GAREM1: variants seen among roughly 807,000 people sequenced by gnomAD.
The protein encoded by GAREM1 is GRB2 associated regulator of MAPK1 subtype 1.
Under a neutral mutation model 71.3 loss-of-function variants are expected in GAREM1, and 26 were observed. The observed-to-expected ratio is 0.36, with a 90% CI of 0.27 to 0.51. GAREM1 has a LOEUF of 0.51. Ranked by LOEUF, GAREM1 falls within the 20% of genes least tolerant of loss-of-function variation. The probability of loss-of-function intolerance (pLI) is 0.95; values close to 1 mark genes in which losing one functional copy is unlikely to be tolerated. For missense variants in GAREM1, 1,026 were observed against 1,103.1 expected, an observed-to-expected ratio of 0.93 and a Z score of 0.99; for synonymous variants, 440 against 433.2, an observed-to-expected ratio of 1.02 and a Z score of -0.20.
chr18:32,470,289 C>A lies in GAREM1; in HGVS notation c.121+19G>T. On this transcript the variant is annotated intron_variant, in intron 1 of 5. Coordinates refer to ENST00000269209, the MANE Select transcript of GAREM1 (RefSeq NM_001242409.2). This position sits in a 1 kb window ranked among gnomAD's most constrained non-coding sequence, Gnocchi z 4.4. ...CGGCTGTCCTCGCCCGTCTGCCCCG[C>A]GCCCCAGCTGGGACTCACCGTTGTC... The A allele has an allele frequency of 6.7e-7, 1 of 1,496,360 alleles. No homozygotes were observed. Among genetic ancestry groups the A allele is most frequent in the Non-Finnish European group, 8.9e-7 (1 of 1,120,376 alleles). 92.7% of individuals were successfully genotyped at this position (1,496,360 alleles called of 1,614,324 possible). A position where few individuals can be genotyped will look rare whatever the true frequency, so the allele number is the denominator to read the frequency against.
intron 3 of GAREM1, among the ~76,000 whole-genome samples, chr18:32,288,851 C>G (rs191882849): frequency 1.3e-5 from 2 of 152,188 alleles, no homozygotes; most frequent in East Asian, 3.9e-4. Context: ...CCATTTCCCC[C>G]GGGCATATCC....
chr18:32,442,051 A>G (rs937520124), intron 1 of GAREM1, among the ~76,000 whole-genome samples: 1 of 152,102 alleles, frequency 6.6e-6, no homozygotes, highest in African/African-American at 2.4e-5. Flanking sequence ...TTTTCCAAAT[A>G]CTAAGCTAAA....
intron 3 of GAREM1, among the ~76,000 whole-genome samples, chr18:32,290,867 T>A (rs1489799567): frequency 6.6e-6 from 1 of 152,110 alleles, no homozygotes; most frequent in Non-Finnish European, 1.5e-5. Flanking sequence ...GTAAAAAGCA[T>A]CCTTGTCCAT....
chr18:32,358,488 G>T (rs1237920922), intron 2 of GAREM1, among the ~76,000 whole-genome samples: 1 of 152,096 alleles, frequency 6.6e-6, no homozygotes. Context: ...AAAGGGTGCT[G>T]CAAGCTTAGC....
intron 1 of GAREM1, among the ~76,000 whole-genome samples, chr18:32,422,029 T>A (rs900400863): frequency 6.6e-6 from 1 of 152,106 alleles, no homozygotes; most frequent in Admixed American, 6.5e-5. Flanking sequence ...AGGGTACATG[T>A]GCACAACATG....
chr18:32,300,867 T>C (rs551950532), intron 3 of GAREM1, among the ~76,000 whole-genome samples: 11 of 144,020 alleles, frequency 7.6e-5, no homozygotes, highest in East Asian at 2.0e-4. Context: ...GATTGATCCA[T>C]TGCACTCCAG....
At position 32,392,953 on chromosome 18, in the gene GAREM1, G is replaced by C. The variant is rs1567992718; in HGVS notation, c.204C>G (p.Ser68Arg). The change falls in exon 2 of 6, where the codon AGC becomes AGG. Residue 68 changes from serine (S) to arginine (R), a missense_variant. Physicochemically the swap from Ser to Arg is moderately radical, Grantham distance 110. Around this residue, in one of 3 missense-constraint regions of GAREM1, gnomAD observed 172 missense variants for 175.2 expected, o/e 0.98. Coordinates refer to ENST00000269209, the MANE Select transcript of GAREM1 (RefSeq NM_001242409.2). ...CAATGACATAGTGACCCTCCTCCAA[G>C]CTGTGGGCAGTGATGGTGGTCCACT... The part of the protein sequence containing the change: ...CRQWTTITAH[S>R]LEEGHYVIGP... The C allele has an allele frequency of 6.2e-7, 1 of 1,613,876 alleles. No individual in the cohort carries two copies. Among genetic ancestry groups the C allele is most frequent in the Non-Finnish European group, 8.5e-7 (1 of 1,179,876 alleles).
intron 1 of GAREM1, among the ~76,000 whole-genome samples, chr18:32,421,696 G>A (rs1168070083): frequency 6.6e-6 from 1 of 152,036 alleles, no homozygotes; most frequent in Non-Finnish European, 1.5e-5. Context: ...TTATTCTGTT[G>A]CCTAGAAAGC....
chr18:32,373,287 G>A (rs1268198475), intron 2 of GAREM1, among the ~76,000 whole-genome samples: 1 of 152,064 alleles, frequency 6.6e-6, no homozygotes, highest in African/African-American at 2.4e-5. Context: ...TTTAATAAAA[G>A]GAAATAATAC....
At chr18:32,439,195 A>T (rs1375893393) in intron 1 of GAREM1, among the ~76,000 whole-genome samples, 2 of 152,212 alleles carry the variant, frequency 1.3e-5, no homozygotes, top group African/African-American at 4.8e-5. Context: ...GGGCACTGAA[A>T]GCCTGGTCAA....
chr18:32,306,634 T>C (rs1284253188), intron 3 of GAREM1, among the ~76,000 whole-genome samples: 1 of 152,170 alleles, frequency 6.6e-6, no homozygotes, highest in African/African-American at 2.4e-5. Flanking sequence ...TTCCAGAAGA[T>C]GATGAGCCCC....
chr18:32,400,276 G>A (rs1250516211), intron 1 of GAREM1, among the ~76,000 whole-genome samples: 1 of 152,192 alleles, frequency 6.6e-6, no homozygotes. Flanking sequence ...AGGGCTTCAT[G>A]TCTAAAACAC....
intron 3 of GAREM1, among the ~76,000 whole-genome samples, chr18:32,291,510 T>TTA (rs1231883718): frequency 6.6e-6 from 1 of 152,040 alleles, no homozygotes; most frequent in African/African-American, 2.4e-5. Context: ...ATTTTTTTTT[T>TTA]ATTATAAGTT....
At chr18:32,308,780 T>C (rs957357941) in intron 3 of GAREM1, among the ~76,000 whole-genome samples, 4 of 150,406 alleles carry the variant, frequency 2.7e-5, no homozygotes, top group Admixed American at 1.3e-4. Context: ...GTAAAGATTT[T>C]ACAAAATATA....
intron 4 of GAREM1, among the ~76,000 whole-genome samples, chr18:32,284,515 T>C (rs2046989273): frequency 6.6e-6 from 1 of 152,222 alleles, no homozygotes; most frequent in Non-Finnish European, 1.5e-5. Context: ...TTCCTACCTC[T>C]AGACTTGGTT....
intron 1 of GAREM1, among the ~76,000 whole-genome samples, chr18:32,419,000 T>G (rs1210979747): frequency 6.6e-6 from 1 of 152,202 alleles, no homozygotes; most frequent in Non-Finnish European, 1.5e-5. Context: ...GGCTGCATTC[T>G]CATCTGGAAT....
intron 1 of GAREM1, among the ~76,000 whole-genome samples, chr18:32,414,605 T>C (rs927677257): frequency 6.6e-6 from 1 of 151,904 alleles, no homozygotes; most frequent in African/African-American, 2.4e-5. Flanking sequence ...TGAAACAACA[T>C]GCTCCTGAGT....
At chr18:32,460,014 CT>C (rs1388511066) in intron 1 of GAREM1, among the ~76,000 whole-genome samples, 1 of 150,860 alleles carries the variant, frequency 6.6e-6, no homozygotes, top group Non-Finnish European at 1.5e-5. Flanking sequence ...TACCCTTTTT[CT>C]GGTACTTTTA....
intron 2 of GAREM1, among the ~76,000 whole-genome samples, chr18:32,341,068 T>G (rs541831880): frequency 6.6e-6 from 1 of 152,274 alleles, no homozygotes; most frequent in Non-Finnish European, 1.5e-5. Flanking sequence ...CATGTTGGTG[T>G]GCTGCACCCA....
Sources: gnomAD v4.1 joint callset for allele counts (sites outside exome capture counted in the v4.1 genomes callset) on GRCh38, gnomAD v4.1.1 for gene constraint, gnomAD v4.1.1 regional missense constraint, Gnocchi (gnomAD v3.1) non-coding constraint, MANE v1.5 for transcripts, NCBI Gene and HGNC (gene_info 2026-07-23, HGNC 2026-07-21) for gene names.